The following GABRA4 variants were observed in gnomAD, a reference collection of about 807,000 sequenced individuals.
GABRA4 encodes the protein gamma-aminobutyric acid type A receptor subunit alpha4, also known as gamma-aminobutyric acid receptor subunit alpha-4.
In GABRA4, 12 loss-of-function variants were observed where a neutral mutation model predicts 49.7. The ratio of observed to expected loss-of-function variants is 0.24; its 90% CI spans 0.15 to 0.39. GABRA4 has a LOEUF of 0.39. Among genes scored for constraint, GABRA4 ranks in the 10% least tolerant of loss-of-function variants. GABRA4 has a pLI of 1.00. For synonymous variants in GABRA4, 288 were observed against 240.2 expected (o/e 1.20, Z -1.84); for missense variants, 506 against 686.0 (o/e 0.74, Z 2.93).
At chr4:46,972,404 C>A (rs552987070) in intron 6 of GABRA4, among the ~76,000 whole-genome samples, 1 of 151,512 alleles carries the variant, frequency 6.6e-6, no homozygotes, top group Non-Finnish European at 1.5e-5. Flanking sequence ...TAATAAATTT[C>A]TATTTTATCT....
chr4:46,967,427 A>G (rs1304194672), intron 7 of GABRA4, among the ~76,000 whole-genome samples: 1 of 150,914 alleles, frequency 6.6e-6, no homozygotes, highest in Non-Finnish European at 1.5e-5. Flanking sequence ...TCCTCTTATC[A>G]TGTGAATAAA....
chr4:46,968,675 T>A (rs1220517800), intron 7 of GABRA4, among the ~76,000 whole-genome samples: 2 of 151,686 alleles, frequency 1.3e-5, no homozygotes, highest in Non-Finnish European at 3.0e-5. Context: ...AATACTAATA[T>A]CCTTACTTCC....
chr4:46,989,372 G>A (rs1723659898), intron 2 of GABRA4, among the ~76,000 whole-genome samples: 1 of 152,214 alleles, frequency 6.6e-6, no homozygotes. Flanking sequence ...CTAGACAGGT[G>A]CAAGCTACTT....
chr4:46,989,972 C>T (rs1253524415), intron 2 of GABRA4, among the ~76,000 whole-genome samples: 1 of 152,204 alleles, frequency 6.6e-6, no homozygotes, highest in East Asian at 1.9e-4. Flanking sequence ...TACACATTTA[C>T]AACTTCATAT....
intron 8 of GABRA4, among the ~76,000 whole-genome samples, chr4:46,946,803 C>T (rs1338072291): frequency 6.6e-6 from 1 of 152,052 alleles, no homozygotes; most frequent in African/African-American, 2.4e-5. Flanking sequence ...GAAAGTTCCA[C>T]ACAAATTTCT....
intron 2 of GABRA4, among the ~76,000 whole-genome samples, chr4:46,991,553 C>T (rs1723743418): frequency 6.6e-6 from 1 of 152,202 alleles, no homozygotes; most frequent in South Asian, 2.1e-4. Flanking sequence ...ATGTCATCTC[C>T]TACACACCCT....
In GABRA4 at chr4:46,922,315, T is replaced by A. The variant is rs1424105695; in HGVS notation, c.*5910A>T. The A allele has an allele frequency of 6.6e-6, 1 of 152,094 alleles. No individual in the cohort carries two copies. The highest frequency in any genetic ancestry group is 1.5e-5 in the Non-Finnish European group (1 of 68,022). 9.4% of individuals were successfully genotyped at this position (152,094 alleles called of 1,614,324 possible). On this transcript the variant is annotated 3_prime_UTR_variant, in exon 9 of 9. Coordinates refer to ENST00000264318, the MANE Select transcript of GABRA4 (RefSeq NM_000809.4). ...AGAAGAAAAAACACATAAAACGGTT[T>A]TGGGGAGGTGGGCTTGAAACCTGAA...
At position 46,985,913 on chromosome 4, in the gene GABRA4, G is replaced by C. The variant is rs186661726; in HGVS notation, c.206-6815C>G. The stretch of plus-strand genomic sequence containing the variant: ...ATCTAATGTTAAATATCCTGTACTA[G>C]ATTATCCCAGTAGAAGAAAAAAGAA... On this transcript the variant is annotated intron_variant, in intron 2 of 8. Transcript: ENST00000264318. Among the ~76,000 whole-genome samples, 3 of 150,970 alleles carry C rather than the reference G, an allele frequency of 2.0e-5. No homozygotes were observed. The East Asian group carries it at 5.8e-4, about 29-fold the overall frequency.
At chr4:46,932,651 T>A (rs1310333634) in intron 8 of GABRA4, among the ~76,000 whole-genome samples, 1 of 152,152 alleles carries the variant, frequency 6.6e-6, no homozygotes, top group Non-Finnish European at 1.5e-5. Flanking sequence ...CACTGTCAAG[T>A]TAACATATTC....
chr4:46,986,516 C>G (rs750024832), intron 2 of GABRA4, among the ~76,000 whole-genome samples: 9 of 151,994 alleles, frequency 5.9e-5, no homozygotes, highest in African/African-American at 1.4e-4. Flanking sequence ...CCTTTTAAGT[C>G]TTCTTGGGAC....
chr4:46,967,858 TG>T (rs1339755212), intron 7 of GABRA4, among the ~76,000 whole-genome samples: 1 of 151,694 alleles, frequency 6.6e-6, no homozygotes, highest in Admixed American at 6.6e-5. Flanking sequence ...AGTGAATTTT[TG>T]GCTGGCCACT....
intron 2 of GABRA4, among the ~76,000 whole-genome samples, chr4:46,981,915 C>T (rs1723370418): frequency 6.6e-6 from 1 of 151,914 alleles, no homozygotes; most frequent in African/African-American, 2.4e-5. Flanking sequence ...AGGACAAGAT[C>T]AAAGACCGGA....
chr4:46,949,402 T>A (rs1283928297), intron 8 of GABRA4, among the ~76,000 whole-genome samples: 1 of 151,776 alleles, frequency 6.6e-6, no homozygotes, highest in Non-Finnish European at 1.5e-5. Flanking sequence ...GTTAGGGTGA[T>A]TACCTAATCT....
chr4:46,977,320 G>T (rs1723174284), intron 4 of GABRA4, 90 bp downstream of exon 4: 1 of 719,608 alleles, frequency 1.4e-6, no homozygotes, highest in African/African-American at 1.9e-5. Context: ...GAGGGAGGAA[G>T]GGAGGGAGGA....
chr4:46,977,658 A>G, intron 3 of GABRA4, 28 bp from the exon 4 acceptor site: 1 of 1,510,542 alleles, frequency 6.6e-7, no homozygotes, highest in Non-Finnish European at 9.1e-7. Context: ...GAACATATTT[A>G]AGTTGCAAAT....
chr4:46,954,688 G>A (rs897401146), intron 8 of GABRA4, among the ~76,000 whole-genome samples: 4 of 152,058 alleles, frequency 2.6e-5, no homozygotes, highest in Non-Finnish European at 4.4e-5. Flanking sequence ...TCATTTAACA[G>A]ATGGAGAAAT....
At chr4:46,992,666 G>A (rs1226477484) in intron 2 of GABRA4, 162 bp downstream of exon 2, 10 of 624,786 alleles carry the variant, frequency 1.6e-5, no homozygotes, top group Non-Finnish European at 2.3e-5. Context: ...GGGTGGAGGC[G>A]GTCTTCTTGT....
intron 2 of GABRA4, among the ~76,000 whole-genome samples, chr4:46,991,143 G>A (rs560628942): frequency 1.4e-4 from 21 of 152,130 alleles, no homozygotes; most frequent in Non-Finnish European, 2.1e-4. Context: ...CCGAGATCAC[G>A]CCATTGCACT....
At chr4:46,979,609 A>G (rs151143425) in intron 2 of GABRA4, among the ~76,000 whole-genome samples, 10 of 152,220 alleles carry the variant, frequency 6.6e-5, no homozygotes, top group Admixed American at 2.6e-4. Context: ...TCCACTGCTG[A>G]TTGGGATCAA....
Sources: allele counts gnomAD v4.1 joint callset (sites outside exome capture counted in the v4.1 genomes callset), GRCh38; gene constraint gnomAD v4.1.1; transcripts MANE v1.5; gene names NCBI Gene and HGNC (gene_info 2026-07-23, HGNC 2026-07-21).